The following TRAF3 variants were observed in gnomAD, a reference collection of about 807,000 sequenced individuals.
TRAF3 encodes the protein TNF receptor-associated factor 3.
TRAF3 carries 13 observed loss-of-function variants against 62.3 expected under a neutral mutation model. The ratio of observed to expected loss-of-function variants is 0.21; its 90% CI spans 0.14 to 0.33. The LOEUF is 0.33. Among genes scored for constraint, TRAF3 ranks in the 10% least tolerant of loss-of-function variants. TRAF3 has a pLI of 1.00. For missense variants in TRAF3, 440 were observed against 741.8 expected, an observed-to-expected ratio of 0.59 and a Z score of 4.73; for synonymous variants, 269 against 283.4, an observed-to-expected ratio of 0.95 and a Z score of 0.51.
At position 102,809,274 on chromosome 14, in the gene TRAF3, C is replaced by CT. The variant is rs1898972140; in HGVS notation, c.-156-21059dup. 5 of 152,566 alleles carry CT rather than the reference C, an allele frequency of 3.3e-5. No individual in the cohort carries two copies. In the South Asian group the frequency reaches 8.3e-4, roughly 25 times the overall value. 9.5% of individuals were successfully genotyped at this position (152,566 alleles called of 1,614,324 possible). ...GTGCTGGGATTACAGGCATGAGCCA[C>CT]TGTGCCTGGCCGCACCCGGCTAATT... On this transcript the variant is annotated intron_variant, in intron 1 of 11. Coordinates refer to ENST00000392745, the MANE Select transcript of TRAF3 (RefSeq NM_145725.3).
At chr14:102,824,005 A>G (rs917965863) in intron 1 of TRAF3, among the ~76,000 whole-genome samples, 1 of 152,190 alleles carries the variant, frequency 6.6e-6, no homozygotes, top group Non-Finnish European at 1.5e-5. Flanking sequence ...TTGTTAGTCC[A>G]TTGATAGACG....
chr14:102,899,856 A>G (rs1038555508), intron 10 of TRAF3, among the ~76,000 whole-genome samples: 1 of 151,958 alleles, frequency 6.6e-6, no homozygotes, highest in South Asian at 2.1e-4. Flanking sequence ...TTAATATTTT[A>G]CTTCTTAAAT....
At chr14:102,825,781 G>T (rs1371541792) in intron 1 of TRAF3, among the ~76,000 whole-genome samples, 1 of 152,232 alleles carries the variant, frequency 6.6e-6, no homozygotes, top group Non-Finnish European at 1.5e-5. Context: ...TGTGGGGAGT[G>T]CCCAGAGTGG....
chr14:102,892,336 G>A (rs982924031), intron 9 of TRAF3, among the ~76,000 whole-genome samples: 12 of 152,198 alleles, frequency 7.9e-5, no homozygotes, highest in African/African-American at 2.4e-4. Flanking sequence ...GGGATGACAG[G>A]CGTGAGCCAC....
rs145426814 is a variant in TRAF3 at position 102,832,400 on chromosome 14, G to A, written c.-18+1928G>A. On this transcript the variant is annotated intron_variant, in intron 2 of 11. Transcript: ENST00000392745. The stretch of plus-strand genomic sequence containing the variant: ...AATATTTATCAAGCACTGGCCGGGC[G>A]TGGTGGCTCACACCTGTAATCCCAG... Among the ~76,000 whole-genome samples the A allele has an allele frequency of 7.0e-3, 1,061 of 152,038 alleles. 20 individuals are homozygous for A. Among genetic ancestry groups the A allele is most frequent in the African/African-American group, 0.024 (997 of 41,456 alleles).
At chr14:102,792,053 G>T (rs1897822427) in intron 1 of TRAF3, among the ~76,000 whole-genome samples, 1 of 148,058 alleles carries the variant, frequency 6.8e-6, no homozygotes, top group Non-Finnish European at 1.5e-5. Flanking sequence ...CTCCTGAGCA[G>T]TCAGCCCACC....
chr14:102,846,902 G>A (rs1318407674), intron 2 of TRAF3, among the ~76,000 whole-genome samples: 4 of 152,162 alleles, frequency 2.6e-5, no homozygotes, highest in African/African-American at 7.2e-5. Flanking sequence ...GAGGCACCCA[G>A]CCTTTCTGGA....
At chr14:102,832,640 C>A (rs1457175609) in intron 2 of TRAF3, among the ~76,000 whole-genome samples, 1 of 152,162 alleles carries the variant, frequency 6.6e-6, no homozygotes, top group Non-Finnish European at 1.5e-5. Context: ...CATTGCATTC[C>A]AGCCTGGGCA....
At chr14:102,833,591 A>G (rs1275539248) in intron 2 of TRAF3, among the ~76,000 whole-genome samples, 1 of 152,250 alleles carries the variant, frequency 6.6e-6, no homozygotes, top group African/African-American at 2.4e-5. Flanking sequence ...GAAACACTAG[A>G]AAAATCTGCC....
chr14:102,885,972 T>A (rs1889358305), intron 6 of TRAF3, among the ~76,000 whole-genome samples: 1 of 152,190 alleles, frequency 6.6e-6, no homozygotes, highest in Admixed American at 6.5e-5. Flanking sequence ...CCGCCCTCAC[T>A]GGTCAGATCT....
intron 9 of TRAF3, chr14:102,895,221 A>G (rs970649611): frequency 2.4e-6 from 1 of 409,076 alleles, no homozygotes; most frequent in African/African-American, 2.0e-5. Context: ...GTAGGAGTTC[A>G]TGGACGTATG....
chr14:102,805,505 C>T (rs941975823), intron 1 of TRAF3, among the ~76,000 whole-genome samples: 2 of 152,138 alleles, frequency 1.3e-5, no homozygotes, highest in Non-Finnish European at 2.9e-5. Flanking sequence ...AGAGACTCAC[C>T]GCTGGACTCC....
intron 1 of TRAF3, among the ~76,000 whole-genome samples, chr14:102,811,101 G>A (rs1039238129): frequency 6.6e-6 from 1 of 152,110 alleles, no homozygotes; most frequent in African/African-American, 2.4e-5. Flanking sequence ...TTTTCAGTAT[G>A]TATGCACTTA....
At position 102,798,306 on chromosome 14, in the gene TRAF3, C is replaced by T. The variant is rs140964550; in HGVS notation, c.-157+20631C>T. The stretch of plus-strand genomic sequence containing the variant: ...GTGCGATCACAGCTCACTGTAGCCT[C>T]GACCTCTCAGTCTCAAGTGATCCTC... On this transcript the variant is annotated intron_variant, in intron 1 of 11. Transcript: ENST00000392745. Among the ~76,000 whole-genome samples the T allele has an allele frequency of 5.4e-3, 820 of 151,298 alleles. 6 individuals carry two copies. The highest frequency in any genetic ancestry group is 9.9e-3 in the Admixed American group (150 of 15,190).
intron 1 of TRAF3, among the ~76,000 whole-genome samples, chr14:102,797,189 A>G (rs557170299): frequency 3.3e-5 from 5 of 152,348 alleles, no homozygotes; most frequent in African/African-American, 1.2e-4. Flanking sequence ...AAGATGAATC[A>G]ATATAGTTAC....
intron 1 of TRAF3, among the ~76,000 whole-genome samples, chr14:102,829,688 G>A (rs1900546165): frequency 6.6e-6 from 1 of 152,218 alleles, no homozygotes; most frequent in African/African-American, 2.4e-5. Context: ...AGGCAGCCCT[G>A]CCTGTTTCCA....
intron 6 of TRAF3, among the ~76,000 whole-genome samples, chr14:102,883,681 G>A (rs997915114): frequency 2.0e-5 from 3 of 152,130 alleles, no homozygotes; most frequent in African/African-American, 7.2e-5. Context: ...CGCCTCCCAG[G>A]TTCAAGCAAT....
intron 1 of TRAF3, among the ~76,000 whole-genome samples, chr14:102,811,550 G>T (rs1429137859): frequency 3.8e-5 from 3 of 79,512 alleles, no homozygotes; most frequent in African/African-American, 1.4e-4. Context: ...GCTGTAGGCG[G>T]TTTTTTTTTT....
At chr14:102,836,977 G>T (rs1886047884) in intron 2 of TRAF3, among the ~76,000 whole-genome samples, 1 of 152,142 alleles carries the variant, frequency 6.6e-6, no homozygotes, top group Non-Finnish European at 1.5e-5. Context: ...CTGTGACAGA[G>T]TAGCGCAGCA....
Sources: allele counts gnomAD v4.1 joint callset (sites outside exome capture counted in the v4.1 genomes callset), GRCh38; gene constraint gnomAD v4.1.1; transcripts MANE v1.5; gene names NCBI Gene and HGNC (gene_info 2026-07-23, HGNC 2026-07-21).